The following TESMIN variants were observed in gnomAD, a reference collection of about 807,000 sequenced individuals.
TESMIN encodes testis expressed metallothionein like protein, also known as CXC domain containing 2.
A neutral mutation model predicts 47.4 loss-of-function variants in TESMIN; 34 were observed. The ratio of observed to expected loss-of-function variants is 0.72; its 90% CI spans 0.55 to 0.96. The LOEUF (loss-of-function observed/expected upper bound fraction) is 0.96, where lower values mean the gene tolerates loss of function less well. TESMIN is among the 40% of genes least tolerant of loss of function. The pLI is 0.00. For missense variants in TESMIN, 610 were observed against 637.2 expected, an observed-to-expected ratio of 0.96 and a Z score of 0.46; for synonymous variants, 278 against 258.9, an observed-to-expected ratio of 1.07 and a Z score of -0.71.
intron 6 of TESMIN, among the ~76,000 whole-genome samples, chr11:68,717,365 T>C (rs1946152342): frequency 6.6e-6 from 1 of 152,026 alleles, no homozygotes; most frequent in Non-Finnish European, 1.5e-5. Flanking sequence ...AGTCTGGGCA[T>C]CAGACCAGAG....
At chr11:68,749,906 CCTTTTT>C (rs1414829173) in intron 2 of TESMIN, among the ~76,000 whole-genome samples, 6 of 152,222 alleles carry the variant, frequency 3.9e-5, no homozygotes, top group African/African-American at 9.7e-5. Flanking sequence ...TAGCTTTCCC[CCTTTTT>C]TTGTTGTCCG....
intron 8 of TESMIN, among the ~76,000 whole-genome samples, chr11:68,712,269 G>C (rs1308139378): frequency 6.6e-6 from 1 of 152,236 alleles, no homozygotes; most frequent in Non-Finnish European, 1.5e-5. Flanking sequence ...GGGTGCGATT[G>C]GAAGTGGTTC....
intron 3 of TESMIN, among the ~76,000 whole-genome samples, chr11:68,746,938 CACTA>C (rs1339030668): frequency 2.6e-5 from 4 of 152,184 alleles, no homozygotes; most frequent in Non-Finnish European, 4.4e-5. Flanking sequence ...CCCAGCACTG[CACTA>C]ACTGATGTGA....
chr11:68,724,024 TG>T (rs1320045227), intron 6 of TESMIN, among the ~76,000 whole-genome samples: 3 of 152,128 alleles, frequency 2.0e-5, no homozygotes, highest in Non-Finnish European at 4.4e-5. Context: ...GGGGTGGGGA[TG>T]GGGAAGCCTA....
At chr11:68,730,020 C>A (rs890053649) in intron 6 of TESMIN, among the ~76,000 whole-genome samples, 1 of 152,232 alleles carries the variant, frequency 6.6e-6, no homozygotes, top group Non-Finnish European at 1.5e-5. Flanking sequence ...CCACCCTCAA[C>A]AGTCAATAGC....
At chr11:68,747,486 A>G (rs1362111576) in intron 2 of TESMIN, 120 bp from the exon 3 acceptor site, 1 of 883,054 alleles carries the variant, frequency 1.1e-6, no homozygotes, top group South Asian at 1.7e-5. Flanking sequence ...CCCTGTCTCT[A>G]CTAGGCATGG....
chr11:68,740,787 A>G (rs1407881719), intron 5 of TESMIN, among the ~76,000 whole-genome samples: 1 of 152,154 alleles, frequency 6.6e-6, no homozygotes, highest in Non-Finnish European at 1.5e-5. Context: ...TTTCAACGCC[A>G]TCTATACACT....
At chr11:68,736,488 C>T (rs1208062197) in intron 6 of TESMIN, 2 of 985,308 alleles carry the variant, frequency 2.0e-6, no homozygotes, top group South Asian at 4.7e-5. Context: ...ACCAGCAAAA[C>T]GTTCTCTGAC....
intron 6 of TESMIN, among the ~76,000 whole-genome samples, chr11:68,716,714 G>A (rs958380730): frequency 2.6e-5 from 4 of 152,198 alleles, no homozygotes; most frequent in Non-Finnish European, 5.9e-5. Flanking sequence ...AAGGCAGAGA[G>A]GTGTTTACAG....
At chr11:68,732,695 T>C (rs1946343148) in intron 6 of TESMIN, 1 of 152,438 alleles carries the variant, frequency 6.6e-6, no homozygotes. Flanking sequence ...GCGTTTCCAA[T>C]GTTCAGAGAA....
rs186677516 is a variant in TESMIN, at chr11:68,710,099, C to T, written c.1334+775G>A. 1.9e-3 allele frequency among the ~76,000 whole-genome samples: 286 copies of T among 152,162 alleles called. 2 individuals carry two copies. The highest frequency in any genetic ancestry group is 6.6e-3 in the African/African-American group (276 of 41,524). ...CCTGAACCTGGGGAGGTTGAGGCTGCGTGAGCTGTGATCGCACCACTGCAC... is the reference window on the plus strand; with the variant it reads ...CCTGAACCTGGGGAGGTTGAGGCTGTGTGAGCTGTGATCGCACCACTGCAC... On this transcript the variant is annotated intron_variant, in intron 9 of 9. Coordinates refer to ENST00000255087, the MANE Select transcript of TESMIN (RefSeq NM_004923.3).
rs533048435 is a variant in TESMIN at position 68,740,577 on chromosome 11, G to A, written c.828+1741C>T. Among the ~76,000 whole-genome samples the A allele has an allele frequency of 3.9e-5, 6 of 152,270 alleles. No individual in the cohort carries two copies. In the South Asian group the frequency reaches 6.2e-4, roughly 16 times the overall value. On this transcript the variant is annotated intron_variant, in intron 5 of 9. Coordinates refer to ENST00000255087, the MANE Select transcript of TESMIN (RefSeq NM_004923.3). ...GCCAGCAGCGTGGAGGGGGCCAGAC[G>A]GTAGGAGGATTCTATGAGGTTCCAA...
Position 68,708,450 on chromosome 11 carries a change from C to A in TESMIN, c.1385G>T (p.Cys462Phe). The A allele has an allele frequency of 6.2e-7, 1 of 1,613,838 alleles. No individual in the cohort carries two copies. The highest frequency in any genetic ancestry group is 8.5e-7 in the Non-Finnish European group (1 of 1,179,862). ...SWEVVEATCA[C>F]LLAQGEEAEK... is the part of the protein sequence containing the mutation. ...GGCCTCTTCTCCCTGAGCAAGCAGG[C>A]AGGCGCATGTGGCCTCCACCACCTC... Residue 462 changes from cysteine (C) to phenylalanine (F), a missense_variant, in exon 10 of 10, where the codon TGC becomes TTC. By Grantham distance (205) the Cys-to-Phe change is radical. Coordinates refer to ENST00000255087, the MANE Select transcript of TESMIN (RefSeq NM_004923.3).
intron 6 of TESMIN, among the ~76,000 whole-genome samples, chr11:68,731,126 G>A (rs1204627429): frequency 6.6e-6 from 1 of 152,202 alleles, no homozygotes; most frequent in East Asian, 1.9e-4. Flanking sequence ...GGTTCCCCCA[G>A]GAAACCTGAA....
chr11:68,729,552 C>T (rs1363287293), intron 6 of TESMIN, among the ~76,000 whole-genome samples: 2 of 151,848 alleles, frequency 1.3e-5, no homozygotes, highest in African/African-American at 4.8e-5. Context: ...TGATTTCAAC[C>T]CTCATGGATG....
chr11:68,711,316 G>GGT (rs897193309), intron 8 of TESMIN, among the ~76,000 whole-genome samples: 1 of 147,012 alleles, frequency 6.8e-6, no homozygotes, highest in Non-Finnish European at 1.5e-5. Flanking sequence ...GTGTGTGTGG[G>GGT]GTGTGTGTGT....
At chr11:68,716,006 C>T (rs1946133979) in intron 6 of TESMIN, 67 bp from the exon 7 acceptor site, 3 of 1,062,292 alleles carry the variant, frequency 2.8e-6, no homozygotes, top group South Asian at 1.3e-5. Flanking sequence ...AAGAAGAGCA[C>T]ACACGTGTAA....
At chr11:68,716,034 T>C in intron 6 of TESMIN, 95 bp from the exon 7 acceptor site, 1 of 801,244 alleles carries the variant, frequency 1.2e-6, no homozygotes, top group Non-Finnish European at 2.1e-6. Flanking sequence ...GCGGGCAGTG[T>C]GCTGCAGTCA....
chr11:68,749,340 G>A (rs1487024105), intron 2 of TESMIN, among the ~76,000 whole-genome samples: 2 of 152,216 alleles, frequency 1.3e-5, no homozygotes, highest in Non-Finnish European at 2.9e-5. Flanking sequence ...CTGCTGCTCT[G>A]GCTTATGATA....
Sources: gnomAD v4.1 joint callset for allele counts (sites outside exome capture counted in the v4.1 genomes callset) on GRCh38, gnomAD v4.1.1 for gene constraint, MANE v1.5 for transcripts, NCBI Gene and HGNC (gene_info 2026-07-23, HGNC 2026-07-21) for gene names.